TCF4: variants seen among roughly 807,000 people sequenced by gnomAD.
TCF4 encodes the protein SL3-3 enhancer factor 2.
Under a neutral mutation model 82.1 loss-of-function variants are expected in TCF4, and 3 were observed. The observed-to-expected ratio is 0.04, with a 90% CI of 0.02 to 0.09. The LOEUF (loss-of-function observed/expected upper bound fraction) is 0.09. TCF4 is among the 10% of genes least tolerant of loss of function. The pLI, the probability that TCF4 is intolerant of heterozygous loss-of-function variation, is 1.00. For synonymous variants in TCF4, 276 were observed against 309.6 expected, an observed-to-expected ratio of 0.89 and a Z score of 1.14; for missense variants, 518 against 852.7, an observed-to-expected ratio of 0.61 and a Z score of 4.89.
At chr18:55,401,012 G>C in intron 6 of TCF4, 1 of 1,289,150 alleles carries the variant, frequency 7.8e-7, no homozygotes, top group Non-Finnish European at 1.0e-6. Context: ...TTGTCACACA[G>C]TGGGGAATCA....
intron 5 of TCF4, among the ~76,000 whole-genome samples, chr18:55,450,208 T>G (rs2095598564): frequency 6.6e-6 from 1 of 152,204 alleles, no homozygotes; most frequent in South Asian, 2.1e-4. Flanking sequence ...TCCCCCATGT[T>G]AGTTCTCTTG....
intron 5 of TCF4, among the ~76,000 whole-genome samples, chr18:55,450,235 C>T (rs553200932): frequency 1.8e-4 from 28 of 152,284 alleles, no homozygotes; most frequent in African/African-American, 6.7e-4. Flanking sequence ...TTTCAACCTA[C>T]GTGAAAGCTT....
rs1037770558 is a variant in TCF4 at position 55,257,227 on chromosome 18, A to C, written c.1146+88T>G. 8 of 1,393,736 alleles carry C rather than the reference A, an allele frequency of 5.7e-6. No homozygotes were observed. The African/African-American group carries it at 9.9e-5, about 17-fold the overall frequency. 86.3% of individuals were successfully genotyped at this position (1,393,736 alleles called of 1,614,324 possible). A position where few individuals can be genotyped will look rare whatever the true frequency, so the allele number is the denominator to read the frequency against. ...CTGACTTAAAGTTACTAACAGGGAA[A>C]ATCAAAATCTTGGAGAGTAAAGGAG... On this transcript the variant is annotated intron_variant, in intron 14 of 19. Transcript: ENST00000354452.
chr18:55,456,438 C>T (rs559936838), intron 5 of TCF4, among the ~76,000 whole-genome samples: 1 of 152,306 alleles, frequency 6.6e-6, no homozygotes, highest in East Asian at 1.9e-4. Flanking sequence ...AGCCCCGATG[C>T]TGAACTAAGC....
intron 2 of TCF4, among the ~76,000 whole-genome samples, chr18:55,630,003 T>C (rs2097730092): frequency 6.6e-6 from 1 of 152,208 alleles, no homozygotes; most frequent in Admixed American, 6.5e-5. Context: ...TAGGGAATTC[T>C]TTGGGGCCTT....
chr18:55,589,569 TA>T (rs35325237), upstream of TCF4: 164,820 of 819,702 alleles, frequency 0.2, 11,635 homozygotes, highest in Admixed American at 0.28. Flanking sequence ...TTATTGTTTA[TA>T]AAAAAAAAAA....
intron 3 of TCF4, among the ~76,000 whole-genome samples, chr18:55,569,719 C>T (rs539400141): frequency 9.4e-4 from 142 of 151,806 alleles, no homozygotes; most frequent in African/African-American, 3.1e-3. Flanking sequence ...ACTATAATTA[C>T]GAAATTACAG....
intron 8 of TCF4, among the ~76,000 whole-genome samples, chr18:55,324,836 A>G (rs2076286819): frequency 6.6e-6 from 1 of 152,154 alleles, no homozygotes; most frequent in Admixed American, 6.5e-5. Context: ...TTTTTCTGCC[A>G]CTTTTGGGGA....
intron 5 of TCF4, among the ~76,000 whole-genome samples, chr18:55,434,482 C>T (rs1263586676): frequency 2.1e-5 from 3 of 140,932 alleles, no homozygotes; most frequent in Admixed American, 7.7e-5. Flanking sequence ...TGCAGTGGCG[C>T]GATCTCGGCT....
intron 6 of TCF4, chr18:55,401,291 T>C: frequency 8.4e-7 from 1 of 1,188,656 alleles, no homozygotes; most frequent in Non-Finnish European, 1.1e-6. Flanking sequence ...TATCCCTAAG[T>C]AATCACACTG....
At position 55,256,231 on chromosome 18, in the gene TCF4, C is replaced by A. The variant is rs148241726; in HGVS notation, c.1146+1084G>T. Among the ~76,000 whole-genome samples, 16 of 152,268 alleles carry A rather than the reference C, an allele frequency of 1.1e-4. No homozygotes were observed. In the East Asian group the frequency reaches 3.1e-3, roughly 29 times the overall value. ...AATCTCTTCTTCAGTGTTCAGAATT[C>A]AAACAGAATGGAAGCTGTGGCCCAT... is the stretch of plus-strand genomic sequence containing the variant. On this transcript the variant is annotated intron_variant, in intron 14 of 19. Transcript: ENST00000354452.
chr18:55,563,563 T>C (rs979500512), intron 3 of TCF4, among the ~76,000 whole-genome samples: 1 of 152,222 alleles, frequency 6.6e-6, no homozygotes, highest in African/African-American at 2.4e-5. Context: ...GCAGCAGATA[T>C]GGAAAGAGTT....
At chr18:55,350,088 A>G (rs989864447) in intron 8 of TCF4, among the ~76,000 whole-genome samples, 2 of 152,144 alleles carry the variant, frequency 1.3e-5, no homozygotes, top group Admixed American at 6.6e-5. Context: ...TGTACAGGTA[A>G]AACTCCTCAA....
chr18:55,353,814 T>C (rs1390042714), intron 6 of TCF4, among the ~76,000 whole-genome samples: 1 of 152,234 alleles, frequency 6.6e-6, no homozygotes, highest in Non-Finnish European at 1.5e-5. Flanking sequence ...TTGTTTATAT[T>C]ATGAATTTAC....
At chr18:55,420,671 G>A (rs2094703257) in intron 5 of TCF4, among the ~76,000 whole-genome samples, 1 of 152,142 alleles carries the variant, frequency 6.6e-6, no homozygotes. Flanking sequence ...AAAGCCAGTG[G>A]AACGTTCAGC....
intron 8 of TCF4, among the ~76,000 whole-genome samples, chr18:55,344,467 T>A (rs2080721429): frequency 6.6e-6 from 1 of 151,962 alleles, no homozygotes; most frequent in South Asian, 2.1e-4. Flanking sequence ...TTCTCAGTAA[T>A]TTAAACCACT....
chr18:55,420,050 T>C (rs146651755), intron 5 of TCF4, among the ~76,000 whole-genome samples: 72 of 152,284 alleles, frequency 4.7e-4, no homozygotes, highest in African/African-American at 1.6e-3. Flanking sequence ...CTCCAGTAAA[T>C]GTGGCTTGCT....
chr18:55,479,863 T>C (rs772072222), intron 3 of TCF4, among the ~76,000 whole-genome samples: 6 of 152,206 alleles, frequency 3.9e-5, no homozygotes, highest in Admixed American at 2.0e-4. Flanking sequence ...TCTGGCACTA[T>C]GATTCTATCT....
chr18:55,464,230 T>C, intron 3 of TCF4, 93 bp from the exon 4 acceptor site: 1 of 1,150,922 alleles, frequency 8.7e-7, no homozygotes, highest in Non-Finnish European at 1.3e-6. Flanking sequence ...ATTAATCTCC[T>C]GTTGCCTTTA....
Sources: allele counts gnomAD v4.1 joint callset (sites outside exome capture counted in the v4.1 genomes callset), GRCh38; gene constraint gnomAD v4.1.1; transcripts MANE v1.5; gene names NCBI Gene and HGNC (gene_info 2026-07-23, HGNC 2026-07-21).